Variants in ARID4B observed in about 807,000 individuals in gnomAD.
ARID4B encodes AT-rich interactive domain-containing protein 4B.
A neutral mutation model predicts 147.5 loss-of-function variants in ARID4B; 26 were observed. That is an observed-to-expected ratio of 0.18 (90% CI 0.13 to 0.24). ARID4B has a LOEUF of 0.24. ARID4B is among the 10% of genes least tolerant of loss of function. ARID4B has a pLI of 1.00. For missense variants in ARID4B, 1,179 were observed against 1,511.5 expected, an observed-to-expected ratio of 0.78 and a Z score of 3.65; for synonymous variants, 512 against 507.9, an observed-to-expected ratio of 1.01 and a Z score of -0.11.
intron 7 of ARID4B, 61 bp downstream of exon 7, chr1:235,246,358 TA>T: frequency 7.5e-7 from 1 of 1,325,798 alleles, no homozygotes; most frequent in Non-Finnish European, 1.1e-6. Context: ...AAAATAACTA[TA>T]AACAATACTA....
Position 235,231,155 on chromosome 1 carries a change from T to C in ARID4B, c.700A>G (p.Thr234Ala), listed in dbSNP as rs761785793. Residue 234 changes from threonine to alanine, a missense_variant, in exon 10 of 24, where the codon ACT becomes GCT. Physicochemically the swap from Thr to Ala is moderately conservative, Grantham distance 58 (BLOSUM62 0). Coordinates refer to ENST00000264183, the MANE Select transcript of ARID4B (RefSeq NM_016374.6). ...TCAGGCTTTGGTGCAGTGTCACTAGTAATTTCATGGACATCTTTTCTTGGA... is the reference window on the plus strand; with the variant it reads ...TCAGGCTTTGGTGCAGTGTCACTAGCAATTTCATGGACATCTTTTCTTGGA... ...SVPRKDVHEITSDTAPKPDAV... is the reference protein window; with the variant it reads ...SVPRKDVHEIASDTAPKPDAV... The C allele has an allele frequency of 6.3e-7, 1 of 1,591,954 alleles. No individual in the cohort carries two copies.
chr1:235,275,757 C>T (rs1245030784), intron 2 of ARID4B, among the ~76,000 whole-genome samples: 5 of 152,162 alleles, frequency 3.3e-5, no homozygotes, highest in Non-Finnish European at 5.9e-5. Context: ...ACCCACAATG[C>T]CCTGGGATAT....
At chr1:235,241,815 CA>C (rs147582440) in intron 7 of ARID4B, among the ~76,000 whole-genome samples, 19,925 of 151,744 alleles carry the variant, frequency 0.13, 1,524 homozygotes, top group African/African-American at 0.2. Context: ...CCCACCTGGC[CA>C]AAAAAGTAAA....
intron 19 of ARID4B, among the ~76,000 whole-genome samples, chr1:235,189,479 A>G (rs1664935428): frequency 1.3e-5 from 2 of 151,948 alleles, no homozygotes; most frequent in African/African-American, 2.4e-5. Flanking sequence ...TAAAAGACAA[A>G]GCAGATAAAA....
chr1:235,215,583 A>G (rs7531922), intron 16 of ARID4B, among the ~76,000 whole-genome samples: 37,774 of 130,280 alleles, frequency 0.29, 6,148 homozygotes, highest in South Asian at 0.5. Flanking sequence ...GTGTGTGTAT[A>G]TATTTTTCCC....
rs34581094 is a variant in ARID4B at position 235,196,853 on chromosome 1, CAAAAAA to C, written c.1842-744_1842-739del. On this transcript the variant is annotated intron_variant, in intron 17 of 23. Coordinates refer to ENST00000264183, the MANE Select transcript of ARID4B (RefSeq NM_016374.6). ...GGCGACAGAGCGAGACTCTGTTTCA[CAAAAAA>C]AAAAAAAAAAAAGAAATAAGAAAAG... Among the ~76,000 whole-genome samples the C allele has an allele frequency of 3.9e-3, 344 of 88,566 alleles. 2 individuals are homozygous for C. The Middle Eastern group carries it at 0.055, about 14-fold the overall frequency. 58.1% of individuals were successfully genotyped at this position (88,566 alleles called of 152,430 possible). A position where few individuals can be genotyped will look rare whatever the true frequency, so the allele number is the denominator to read the frequency against.
chr1:235,302,605 A>G (rs578259123), intron 2 of ARID4B, among the ~76,000 whole-genome samples: 1 of 152,346 alleles, frequency 6.6e-6, no homozygotes, highest in South Asian at 2.1e-4. Context: ...TTAAAATTAC[A>G]CATGGCTTGC....
chr1:235,269,727 T>C (rs1670846497), intron 2 of ARID4B, among the ~76,000 whole-genome samples: 1 of 151,742 alleles, frequency 6.6e-6, no homozygotes, highest in African/African-American at 2.4e-5. Context: ...AAAAGATAAA[T>C]TAGATATAGA....
chr1:235,310,505 T>C (rs1673972610), intron 2 of ARID4B, among the ~76,000 whole-genome samples: 1 of 152,222 alleles, frequency 6.6e-6, no homozygotes, highest in Admixed American at 6.5e-5. Context: ...GTTGCTGACC[T>C]GCCTCAAAGG....
At chr1:235,210,807 TA>T (rs1666668056) in intron 17 of ARID4B, among the ~76,000 whole-genome samples, 1 of 152,194 alleles carries the variant, frequency 6.6e-6, no homozygotes, top group Non-Finnish European at 1.5e-5. Flanking sequence ...CCTATATTAT[TA>T]AAAACTTGAA....
chr1:235,196,812 A>G (rs1665526612), intron 17 of ARID4B, among the ~76,000 whole-genome samples: 2 of 147,014 alleles, frequency 1.4e-5, no homozygotes, highest in Admixed American at 7.1e-5. Context: ...AGATCGCGCC[A>G]CTGCACTCCA....
chr1:235,240,260 T>G, intron 8 of ARID4B, 53 bp downstream of exon 8: 1 of 1,499,156 alleles, frequency 6.7e-7, no homozygotes, highest in Non-Finnish European at 9.0e-7. Context: ...AATTGTTTTC[T>G]TCATAAACTT....
At chr1:235,197,585 C>T (rs1004042033) in intron 17 of ARID4B, among the ~76,000 whole-genome samples, 11 of 152,146 alleles carry the variant, frequency 7.2e-5, no homozygotes, top group Admixed American at 3.3e-4. Flanking sequence ...ATGGAATGAG[C>T]TTTAGGACAG....
At chr1:235,175,986 AC>A (rs1296303304) in intron 21 of ARID4B, among the ~76,000 whole-genome samples, 2 of 152,346 alleles carry the variant, frequency 1.3e-5, no homozygotes, top group East Asian at 3.9e-4. Flanking sequence ...AGTCTGTGTA[AC>A]AATTATGTTA....
At chr1:235,265,626 G>C (rs1670551423) in intron 2 of ARID4B, among the ~76,000 whole-genome samples, 1 of 151,984 alleles carries the variant, frequency 6.6e-6, no homozygotes, top group African/African-American at 2.4e-5. Flanking sequence ...TTCAGCCTGA[G>C]AGACTGAGGT....
At chr1:235,235,736 A>T (rs1249862048) in intron 8 of ARID4B, among the ~76,000 whole-genome samples, 1 of 152,214 alleles carries the variant, frequency 6.6e-6, no homozygotes, top group African/African-American at 2.4e-5. Context: ...ACTGAAAAGG[A>T]GAACTGCATG....
In ARID4B at chr1:235,182,454, C is replaced by T. The variant is rs773274229; in HGVS notation, c.2465G>A (p.Arg822His). The T allele has an allele frequency of 7.4e-6, 12 of 1,611,938 alleles. No homozygotes were observed. In the East Asian group the frequency reaches 2.0e-4, roughly 27 times the overall value. ...TGTATTGCAATACCTTCTTTTACCA[C>T]GTTTTATTTGTGGTTTTGAAGATTT... ...TDKSSKPQIK[R>H]GKRRYCNTEE... Residue 822 changes from arginine (R) to histidine (H), a missense_variant, in exon 20 of 24, where the codon CGT (arginine) becomes CAT (histidine). This residue lies in a region of ARID4B where 321 missense variants were observed against 342.4 expected (regional missense o/e 0.94). Transcript: ENST00000264183.
At chr1:235,256,155 CAG>C (rs1284740321) in intron 4 of ARID4B, among the ~76,000 whole-genome samples, 1 of 112,918 alleles carries the variant, frequency 8.9e-6, no homozygotes, top group Non-Finnish European at 1.7e-5. Context: ...GCCTGGGTGA[CAG>C]AGCAAGACTC....
At chr1:235,226,905 G>A (rs915178645) in intron 11 of ARID4B, among the ~76,000 whole-genome samples, 5 of 152,138 alleles carry the variant, frequency 3.3e-5, no homozygotes, top group Admixed American at 6.5e-5. Flanking sequence ...CTGACCTCAG[G>A]TGATCCGCTA....
Sources: allele counts gnomAD v4.1 joint callset (sites outside exome capture counted in the v4.1 genomes callset), GRCh38; gene constraint gnomAD v4.1.1; regional missense constraint gnomAD v4.1.1; transcripts MANE v1.5; gene names NCBI Gene and HGNC (gene_info 2026-07-23, HGNC 2026-07-21).